The following WDR70 variants were observed in gnomAD, a reference collection of about 807,000 sequenced individuals.
WDR70 encodes the protein WD repeat domain 70, also known as WD repeat-containing protein 70.
A neutral mutation model predicts 88.6 loss-of-function variants in WDR70; 53 were observed. That is an observed-to-expected ratio of 0.60 (90% CI 0.48 to 0.75). WDR70 has a LOEUF of 0.75. Among genes scored for constraint, WDR70 ranks in the 30% least tolerant of loss-of-function variants. The probability of loss-of-function intolerance (pLI) is 0.00; values close to 1 mark genes in which losing one functional copy is unlikely to be tolerated. For missense variants in WDR70, 610 were observed against 823.2 expected, an observed-to-expected ratio of 0.74 and a Z score of 3.17; for synonymous variants, 280 against 270.0, an observed-to-expected ratio of 1.04 and a Z score of -0.36.
intron 5 of WDR70, among the ~76,000 whole-genome samples, chr5:37,410,740 T>G (rs1463865766): frequency 6.6e-6 from 1 of 152,234 alleles, no homozygotes; most frequent in Non-Finnish European, 1.5e-5. Flanking sequence ...GAAAAGCTTG[T>G]GACATTCAAA....
intron 17 of WDR70, among the ~76,000 whole-genome samples, chr5:37,742,266 T>G (rs573422713): frequency 1.3e-4 from 20 of 151,544 alleles, no homozygotes; most frequent in South Asian, 8.3e-4. Context: ...ATCTGTTGTT[T>G]TTTTTTTTTT....
chr5:37,460,726 A>T (rs996082935), intron 7 of WDR70, among the ~76,000 whole-genome samples: 15 of 150,776 alleles, frequency 9.9e-5, no homozygotes, highest in Non-Finnish European at 1.6e-4. Context: ...TAAAAAATAA[A>T]AACAAAAAGA....
intron 10 of WDR70, among the ~76,000 whole-genome samples, chr5:37,656,268 G>A (rs112230471): frequency 2.7e-4 from 41 of 152,284 alleles, no homozygotes; most frequent in African/African-American, 7.0e-4. Context: ...TATCACCAGC[G>A]GAGGCTGCAA....
chr5:37,491,690 A>C (rs540967169), intron 8 of WDR70, among the ~76,000 whole-genome samples: 1 of 152,142 alleles, frequency 6.6e-6, no homozygotes, highest in African/African-American at 2.4e-5. Context: ...TTATTTGGAG[A>C]TGAAATATAT....
intron 7 of WDR70, among the ~76,000 whole-genome samples, chr5:37,444,400 G>A (rs1360639175): frequency 2.1e-5 from 3 of 145,046 alleles, no homozygotes; most frequent in African/African-American, 5.1e-5. Flanking sequence ...GTGCAGTGGC[G>A]AGATCTTGGC....
At chr5:37,438,898 G>A (rs1750565424) in intron 6 of WDR70, among the ~76,000 whole-genome samples, 1 of 131,790 alleles carries the variant, frequency 7.6e-6, no homozygotes, top group Admixed American at 9.2e-5. Context: ...CCTCTTTGGA[G>A]TCCTCATTCG....
At chr5:37,494,074 C>T (rs1381454970) in intron 8 of WDR70, among the ~76,000 whole-genome samples, 1 of 152,138 alleles carries the variant, frequency 6.6e-6, no homozygotes, top group East Asian at 1.9e-4. Context: ...CCACCTTGGC[C>T]TCCCAAAGTG....
chr5:37,750,920 A>G (rs1330302759), intron 17 of WDR70, among the ~76,000 whole-genome samples: 1 of 152,164 alleles, frequency 6.6e-6, no homozygotes, highest in East Asian at 1.9e-4. Flanking sequence ...TGGACTCTAC[A>G]TTTCTTCCTG....
chr5:37,653,469 G>A (rs758090002), intron 10 of WDR70, among the ~76,000 whole-genome samples: 5 of 152,300 alleles, frequency 3.3e-5, no homozygotes, highest in African/African-American at 9.6e-5. Context: ...GAGTTAGGGA[G>A]GAGTCCCTCT....
chr5:37,616,144 A>G, intron 10 of WDR70, among the ~76,000 whole-genome samples: 1 of 151,724 alleles, frequency 6.6e-6, no homozygotes, highest in South Asian at 2.1e-4. Context: ...TTTTTGACAC[A>G]GGGTCTCACT....
chr5:37,424,399 T>C (rs1270872787), intron 5 of WDR70, among the ~76,000 whole-genome samples: 2 of 115,958 alleles, frequency 1.7e-5, no homozygotes, highest in Non-Finnish European at 4.1e-5. Context: ...ACAATTTAAT[T>C]TTTTTCCATT....
intron 9 of WDR70, among the ~76,000 whole-genome samples, chr5:37,592,891 GC>G (rs1181004044): frequency 1.3e-5 from 2 of 152,174 alleles, no homozygotes; most frequent in African/African-American, 4.8e-5. Flanking sequence ...ACGGTGGCTT[GC>G]CCCTGTAATT....
intron 7 of WDR70, among the ~76,000 whole-genome samples, chr5:37,478,608 T>G (rs1739558418): frequency 6.6e-6 from 1 of 152,232 alleles, no homozygotes; most frequent in Admixed American, 6.5e-5. Flanking sequence ...AATTGCCATG[T>G]AGTTGCCATA....
intron 9 of WDR70, among the ~76,000 whole-genome samples, chr5:37,560,735 ACTGGGCCTTCC>A (rs1237389447): frequency 2.0e-5 from 3 of 151,768 alleles, no homozygotes; most frequent in African/African-American, 7.3e-5. Flanking sequence ...CTGGGCCTTC[ACTGGGCCTTCC>A]CTGGACATCC....
intron 11 of WDR70, among the ~76,000 whole-genome samples, chr5:37,699,644 C>A (rs1188808740): frequency 6.6e-6 from 1 of 151,866 alleles, no homozygotes; most frequent in East Asian, 1.9e-4. Flanking sequence ...GATATGTAAC[C>A]TTTTTTTAAA....
intron 13 of WDR70, among the ~76,000 whole-genome samples, chr5:37,711,003 C>T (rs1747494374): frequency 6.6e-6 from 1 of 151,990 alleles, no homozygotes; most frequent in Admixed American, 6.6e-5. Context: ...TTTTAAACAA[C>T]ATTCAGAGGG....
At chr5:37,662,778 G>T (rs933305761) in intron 10 of WDR70, among the ~76,000 whole-genome samples, 1 of 152,062 alleles carries the variant, frequency 6.6e-6, no homozygotes, top group Non-Finnish European at 1.5e-5. Context: ...TGTTAAAAAA[G>T]ATAAATGAAA....
At chr5:37,586,093 T>G (rs1743355898) in intron 9 of WDR70, among the ~76,000 whole-genome samples, 1 of 152,178 alleles carries the variant, frequency 6.6e-6, no homozygotes, top group Non-Finnish European at 1.5e-5. Flanking sequence ...TTCATATCAT[T>G]TAGGAGCCAA....
At chr5:37,716,386 G>A (rs1189202165) in intron 13 of WDR70, among the ~76,000 whole-genome samples, 2 of 152,134 alleles carry the variant, frequency 1.3e-5, no homozygotes, top group African/African-American at 4.8e-5. Context: ...AATGATTTTA[G>A]TAATAACTCC....
Sources: gnomAD v4.1 joint callset for allele counts (sites outside exome capture counted in the v4.1 genomes callset) on GRCh38, gnomAD v4.1.1 for gene constraint, MANE v1.5 for transcripts, NCBI Gene and HGNC (gene_info 2026-07-23, HGNC 2026-07-21) for gene names.